Variants in LGALS3BP observed in about 807,000 individuals in gnomAD.
The protein encoded by LGALS3BP is galectin-3-binding protein.
In LGALS3BP, 25 loss-of-function variants were observed where a neutral mutation model predicts 22.9. That is an observed-to-expected ratio of 1.09 (90% CI 0.80 to 1.53). LGALS3BP has a LOEUF of 1.53. Ranked by LOEUF, LGALS3BP falls within the 40% of genes most tolerant of loss-of-function variation. LGALS3BP has a pLI of 0.00. For synonymous variants in LGALS3BP, 335 were observed against 331.1 expected (o/e 1.01, Z -0.13); for missense variants, 718 against 752.0 (o/e 0.95, Z 0.53).
At chr17:78,978,610 G>C (rs1290857648) in intron 1 of LGALS3BP, among the ~76,000 whole-genome samples, 1 of 152,228 alleles carries the variant, frequency 6.6e-6, no homozygotes, top group African/African-American at 2.4e-5. Flanking sequence ...TGGGGACTGT[G>C]CTGGTTTTAG....
At chr17:78,974,345 T>C (rs1346708930) in intron 4 of LGALS3BP, among the ~76,000 whole-genome samples, 2 of 152,266 alleles carry the variant, frequency 1.3e-5, no homozygotes, top group Non-Finnish European at 2.9e-5. Context: ...TGTCGCGTGC[T>C]GTGAAGTGTA....
rs1259108979 is a variant in LGALS3BP, at chr17:78,975,053, C to T, written c.245-234G>A. Reference sequence around the variant, plus strand: ...CTTACCGGCTGCTTCAGCGACATCACATTCATGTATAGTAATTGTGTGACT... The same window carrying T: ...CTTACCGGCTGCTTCAGCGACATCATATTCATGTATAGTAATTGTGTGACT... On this transcript the variant is annotated intron_variant, in intron 3 of 5. Coordinates refer to ENST00000262776, the MANE Select transcript of LGALS3BP (RefSeq NM_005567.4). 4 of 550,612 alleles carry T rather than the reference C, an allele frequency of 7.3e-6. No homozygotes were observed. In the African/African-American group the frequency reaches 7.6e-5, roughly 10 times the overall value. 34.1% of individuals were successfully genotyped at this position (550,612 alleles called of 1,614,324 possible).
chr17:78,977,145 G>C lies in LGALS3BP; in HGVS notation c.47C>G (p.Thr16Ser), dbSNP rs772898644. The C allele has an allele frequency of 2.4e-5, 38 of 1,613,204 alleles. No individual in the cohort carries two copies. The highest frequency in any genetic ancestry group is 2.8e-5 in the Non-Finnish European group (33 of 1,180,016). Residue 16 changes from threonine to serine, a missense_variant, in exon 2 of 6, where the codon ACC becomes AGC. Transcript: ENST00000262776. ...TTCCCAGGGGCTCAGCTCACCTTGG[G>C]TTCCTGCAACCAGCAGCCACACCCA... is the stretch of plus-strand genomic sequence containing the variant. Reference protein sequence around the residue: ...LFWVWLLVAGTQGVNDGDMRL... With the variant: ...LFWVWLLVAGSQGVNDGDMRL...
At chr17:78,974,607 G>A in intron 4 of LGALS3BP, 81 bp downstream of exon 4, 6 of 1,485,096 alleles carry the variant, frequency 4.0e-6, no homozygotes, top group South Asian at 1.2e-5. Flanking sequence ...ATGTGCGTGG[G>A]GGGGTGGTGC....
Position 78,979,642 on chromosome 17 carries a change from T to C in LGALS3BP, c.-24+182A>G, listed in dbSNP as rs1454922932. The C allele has an allele frequency of 2.6e-5, 4 of 152,380 alleles. No individual in the cohort carries two copies. The East Asian group carries it at 7.7e-4, about 29-fold the overall frequency. 9.4% of individuals were successfully genotyped at this position (152,380 alleles called of 1,614,324 possible). On this transcript the variant is annotated intron_variant, in intron 1 of 5. Coordinates refer to ENST00000262776, the MANE Select transcript of LGALS3BP (RefSeq NM_005567.4). ...GGCACGCGCCTGTAATCCCAGCTAC[T>C]TGGGAGGCCGAGGCAGGAGAATCGT...
At position 78,972,308 on chromosome 17, in the gene LGALS3BP, C is replaced by T. The variant is rs199912199; in HGVS notation, c.1026G>A (p.Leu342=). The T allele has an allele frequency of 9.1e-5, 147 of 1,613,306 alleles. No individual in the cohort carries two copies. Among genetic ancestry groups the T allele is most frequent in the Non-Finnish European group, 1.2e-4 (145 of 1,179,962 alleles). ...ERASHEEVEG[L]VEKIRFPMML... The stretch of plus-strand genomic sequence containing the variant: ...TCATGGGGAAGCGGATCTTCTCCAC[C>T]AAGCCCTCCACCTCCTCATGGGAGG... The change falls in exon 6 of 6, where the codon TTG becomes TTA. Residue 342 remains leucine, a synonymous_variant. Coordinates refer to ENST00000262776, the MANE Select transcript of LGALS3BP (RefSeq NM_005567.4). The surrounding 1 kb of genome is among the most constrained non-coding windows in gnomAD (Gnocchi z 5.1).
In LGALS3BP at chr17:78,973,946, G is replaced by A. The variant is rs1277677572; in HGVS notation, c.377-724C>T. On this transcript the variant is annotated intron_variant, in intron 4 of 5. Transcript: ENST00000262776. This position sits in a 1 kb window ranked among gnomAD's most constrained non-coding sequence, Gnocchi z 5.8. ...ACAGCTCTCCTGCCCCAGGAGCTTT[G>A]GCCGTGCGCCCATGGCCCCGTGTGC... 6.6e-6 allele frequency among the ~76,000 whole-genome samples: 1 copy of A among 152,214 alleles called. No homozygotes were observed. Among genetic ancestry groups the A allele is most frequent in the Non-Finnish European group, 1.5e-5 (1 of 68,038 alleles).
intron 4 of LGALS3BP, among the ~76,000 whole-genome samples, chr17:78,974,009 C>T (rs759830710): frequency 4.6e-5 from 7 of 152,236 alleles, no homozygotes; most frequent in South Asian, 4.1e-4. Context: ...AGCCCCATGG[C>T]GTCTCCTGGG....
intron 1 of LGALS3BP, among the ~76,000 whole-genome samples, chr17:78,978,483 A>G (rs371131411): frequency 3.0e-4 from 45 of 152,342 alleles, no homozygotes; most frequent in African/African-American, 9.9e-4. Flanking sequence ...TGGGCTCCAC[A>G]TCCACAGTCA....
chr17:78,979,196 A>G (rs1046563623), intron 1 of LGALS3BP, among the ~76,000 whole-genome samples: 1 of 152,218 alleles, frequency 6.6e-6, no homozygotes, highest in African/African-American at 2.4e-5. Flanking sequence ...CTTCGTGCAA[A>G]TCAGAAAAAA....
At chr17:78,978,213 C>T (rs141693063) in intron 1 of LGALS3BP, among the ~76,000 whole-genome samples, 1 of 152,314 alleles carries the variant, frequency 6.6e-6, no homozygotes, top group East Asian at 1.9e-4. Context: ...GCAATGGCAT[C>T]CCCAGAGCTT....
intron 1 of LGALS3BP, among the ~76,000 whole-genome samples, chr17:78,977,762 G>A (rs527831350): frequency 3.6e-4 from 55 of 152,342 alleles, no homozygotes; most frequent in Admixed American, 3.1e-3. Context: ...GAATCCGGGC[G>A]AGGGGTGACA....
At position 78,972,625 on chromosome 17, in the gene LGALS3BP, T is replaced by G. The variant is rs367711784; in HGVS notation, c.709A>C (p.Arg237=). ...FHKLASAYGA[R]QLQGYCASLF... ...CTTGCGCAGTAGCCCTGCAGCTGCC[T>G]GGCCCCATAGGCAGAGGCCAGCTTG... Residue 237 remains arginine, a synonymous_variant, in exon 6 of 6, where the codon AGG becomes CGG. Transcript: ENST00000262776. This position sits in a 1 kb window ranked among gnomAD's most constrained non-coding sequence, Gnocchi z 5.1. The G allele has an allele frequency of 2.6e-6, 4 of 1,561,738 alleles. No homozygotes were observed. The highest frequency in any genetic ancestry group is 2.6e-6 in the Non-Finnish European group (3 of 1,152,756).
Position 78,972,733 on chromosome 17 carries a change from G to T in LGALS3BP, c.630-29C>A. 6.6e-7 allele frequency: 1 copy of T among 1,513,878 alleles called. No individual in the cohort carries two copies. Among genetic ancestry groups the T allele is most frequent in the East Asian group, 2.3e-5 (1 of 43,920 alleles). 93.8% of individuals were successfully genotyped at this position (1,513,878 alleles called of 1,614,324 possible). The stretch of plus-strand genomic sequence containing the variant: ...GGGAGAAAGAAGGAGAGCAGATGCC[G>T]GCCCCACAGGACAGCAGGGGAGCCC... On this transcript the variant is annotated intron_variant, in intron 5 of 5. Coordinates refer to ENST00000262776, the MANE Select transcript of LGALS3BP (RefSeq NM_005567.4). This position sits in a 1 kb window ranked among gnomAD's most constrained non-coding sequence, Gnocchi z 5.1.
At position 78,976,072 on chromosome 17, in the gene LGALS3BP, C is replaced by A; in HGVS notation, c.137G>T (p.Gly46Val). Residue 46 changes from glycine (G) to valine (V), a missense_variant, in exon 3 of 6, where the codon GGC becomes GTC. Physicochemically the swap from Gly to Val is moderately radical, Grantham distance 109. Transcript: ENST00000262776. The surrounding 1 kb of genome is among the most constrained non-coding windows in gnomAD (Gnocchi z 4.6). ...GTCCCACAGGTTGTCACACACAGTG[C>A]CCCACTGGCCTCTGTAGAAGATCTC... ...RVEIFYRGQW[G>V]TVCDNLWDLT... 1 of 1,611,332 alleles carries A rather than the reference C, an allele frequency of 6.2e-7. No homozygotes were observed. The highest frequency in any genetic ancestry group is 8.5e-7 in the Non-Finnish European group (1 of 1,179,204).
At position 78,971,663 on chromosome 17, in the gene LGALS3BP, G is replaced by A. The variant is rs368497268; in HGVS notation, c.1671C>T (p.Ser557=). The change falls in exon 6 of 6, where the codon TCC becomes TCT. Residue 557 remains serine (S), a synonymous_variant. Coordinates refer to ENST00000262776, the MANE Select transcript of LGALS3BP (RefSeq NM_005567.4). This position sits in a 1 kb window ranked among gnomAD's most constrained non-coding sequence, Gnocchi z 5.6. ...AGTGCCCTGCCGGGCAGGGGAAGGA[G>A]GAGGTGCTCTTCGAGCTGTTGGTGT... ...ALDTNSSKST[S]SFPCPAGHFN... is the part of the protein sequence containing the mutation. The A allele has an allele frequency of 1.9e-6, 3 of 1,613,896 alleles. No homozygotes were observed. The highest frequency in any genetic ancestry group is 2.2e-5 in the East Asian group (1 of 44,876).
Position 78,972,055 on chromosome 17 carries a change from T to G in LGALS3BP, c.1279A>C (p.Lys427Gln), listed in dbSNP as rs1204999229. ...CTGGACTGATAGACCAGTTGTGACTTCCGTGCACTCCAGGAACTGTCTGTC... is the reference window on the plus strand; with the variant it reads ...CTGGACTGATAGACCAGTTGTGACTGCCGTGCACTCCAGGAACTGTCTGTC... ...FVTDSSWSARKSQLVYQSRRG... is the reference protein window; with the variant it reads ...FVTDSSWSARQSQLVYQSRRG... Residue 427 changes from lysine (K) to glutamine (Q), a missense_variant, in exon 6 of 6, where the codon AAG (lysine) becomes CAG (glutamine). By Grantham distance (53) the Lys-to-Gln change is moderately conservative. Transcript: ENST00000262776. This position sits in a 1 kb window ranked among gnomAD's most constrained non-coding sequence, Gnocchi z 5.1. 1 of 1,613,914 alleles carries G rather than the reference T, an allele frequency of 6.2e-7. No homozygotes were observed. The highest frequency in any genetic ancestry group is 8.5e-7 in the Non-Finnish European group (1 of 1,180,008).
rs2070722911 is a variant in LGALS3BP at position 78,976,600 on chromosome 17, G to A, written c.53-444C>T. On this transcript the variant is annotated intron_variant, in intron 2 of 5. Transcript: ENST00000262776. This position sits in a 1 kb window ranked among gnomAD's most constrained non-coding sequence, Gnocchi z 4.6. ...GGAGCACAGGCAGAATGTTTCCAGG[G>A]CAGATAATGGGATTCCCCCGCCCCA... Among the ~76,000 whole-genome samples, 1 of 152,064 alleles carries A rather than the reference G, an allele frequency of 6.6e-6. No homozygotes were observed. The highest frequency in any genetic ancestry group is 2.4e-5 in the African/African-American group (1 of 41,400).
Position 78,972,996 on chromosome 17 carries a change from A to G in LGALS3BP, c.603T>C (p.Cys201=), listed in dbSNP as rs757385662. The G allele has an allele frequency of 6.2e-7, 1 of 1,611,148 alleles. No individual in the cohort carries two copies. Among genetic ancestry groups the G allele is most frequent in the South Asian group, 1.1e-5 (1 of 90,972 alleles). ...TGAGAAGGTCCCTGACCATGGGCACACACTCAGCATCCACACTCATGGTGA... is the reference window on the plus strand; with the variant it reads ...TGAGAAGGTCCCTGACCATGGGCACGCACTCAGCATCCACACTCATGGTGA... ...SNVTMSVDAE[C]VPMVRDLLRY... The change falls in exon 5 of 6, where the codon TGT becomes TGC. Residue 201 remains cysteine (C), a synonymous_variant. Transcript: ENST00000262776. The surrounding 1 kb of genome is among the most constrained non-coding windows in gnomAD (Gnocchi z 5.1).
Sources: gnomAD v4.1 joint callset for allele counts (sites outside exome capture counted in the v4.1 genomes callset) on GRCh38, gnomAD v4.1.1 for gene constraint, Gnocchi (gnomAD v3.1) non-coding constraint, MANE v1.5 for transcripts, NCBI Gene and HGNC (gene_info 2026-07-23, HGNC 2026-07-21) for gene names.